MAPKAP1: variants seen among roughly 807,000 people sequenced by gnomAD.
MAPKAP1 encodes target of rapamycin complex 2 subunit MAPKAP1.
Under a neutral mutation model 65.7 loss-of-function variants are expected in MAPKAP1, and 20 were observed. The observed-to-expected ratio is 0.30, with a 90% CI of 0.21 to 0.44. The LOEUF is 0.44. MAPKAP1 is among the 20% of genes least tolerant of loss of function. MAPKAP1 has a pLI of 1.00. For missense variants in MAPKAP1, 423 were observed against 648.0 expected (o/e 0.65, Z 3.77); for synonymous variants, 222 against 244.3 (o/e 0.91, Z 0.85).
chr9:125,447,959 G>A lies in MAPKAP1; in HGVS notation c.1346-3361C>T, dbSNP rs1852782795. On this transcript the variant is annotated intron_variant, in intron 10 of 11. Transcript: ENST00000265960. The surrounding 1 kb of genome is among the most constrained non-coding windows in gnomAD (Gnocchi z 4.5). Reference sequence around the variant, plus strand: ...GGAGCTCTGGGCAAACCAGGGTCATGTGTGGCAGGCAGGTGGGAGGGAGAG... The same window carrying A: ...GGAGCTCTGGGCAAACCAGGGTCATATGTGGCAGGCAGGTGGGAGGGAGAG... Among the ~76,000 whole-genome samples, 1 of 152,228 alleles carries A rather than the reference G, an allele frequency of 6.6e-6. No individual in the cohort carries two copies. The highest frequency in any genetic ancestry group is 1.5e-5 in the Non-Finnish European group (1 of 68,048).
At chr9:125,473,471 T>C (rs903986748) in intron 9 of MAPKAP1, among the ~76,000 whole-genome samples, 10 of 152,170 alleles carry the variant, frequency 6.6e-5, no homozygotes, top group African/African-American at 1.7e-4. Flanking sequence ...GCAGAAAACA[T>C]TGCCTGATTG....
intron 1 of MAPKAP1, among the ~76,000 whole-genome samples, chr9:125,682,068 T>C (rs1051980979): frequency 1.4e-5 from 2 of 145,426 alleles, no homozygotes; most frequent in Non-Finnish European, 3.1e-5. Context: ...CTCCCCTATG[T>C]TTGTTTTAAC....
At chr9:125,590,973 C>T (rs1205139060) in intron 4 of MAPKAP1, among the ~76,000 whole-genome samples, 1 of 152,104 alleles carries the variant, frequency 6.6e-6, no homozygotes, top group East Asian at 1.9e-4. Context: ...AAGATTTTGC[C>T]ATGTTGGCCA....
chr9:125,509,836 A>T (rs1829249109), intron 7 of MAPKAP1, among the ~76,000 whole-genome samples: 1 of 152,150 alleles, frequency 6.6e-6, no homozygotes, highest in Admixed American at 6.5e-5. Flanking sequence ...TGGATCAGGG[A>T]AAACAGGGGA....
At chr9:125,487,615 T>TAAA (rs35665829) in intron 8 of MAPKAP1, among the ~76,000 whole-genome samples, 62 of 126,812 alleles carry the variant, frequency 4.9e-4, no homozygotes, top group Non-Finnish European at 6.7e-4. Flanking sequence ...TGCCAATTAC[T>TAAA]AAAAAAAAAA....
intron 5 of MAPKAP1, among the ~76,000 whole-genome samples, chr9:125,576,898 G>A (rs1320433199): frequency 4.9e-4 from 74 of 152,222 alleles, no homozygotes; most frequent in Admixed American, 1.2e-3. Context: ...GCCTGCCTTG[G>A]CCTCCCAAAG....
At chr9:125,464,130 G>C (rs534651059) in intron 10 of MAPKAP1, among the ~76,000 whole-genome samples, 88 of 148,682 alleles carry the variant, frequency 5.9e-4, no homozygotes, top group African/African-American at 2.1e-3. Flanking sequence ...TTGGTGGGTT[G>C]AGGTGGGAGG....
chr9:125,590,300 A>C (rs1831917081), intron 4 of MAPKAP1, among the ~76,000 whole-genome samples: 1 of 152,310 alleles, frequency 6.6e-6, no homozygotes, highest in East Asian at 1.9e-4. Context: ...ACAAGGTCAC[A>C]TGAGGCCAAG....
chr9:125,461,605 G>A (rs1853497684), intron 10 of MAPKAP1, among the ~76,000 whole-genome samples: 1 of 152,176 alleles, frequency 6.6e-6, no homozygotes, highest in Admixed American at 6.5e-5. Context: ...CTGTTAAAAG[G>A]ATGAGGCACT....
intron 8 of MAPKAP1, among the ~76,000 whole-genome samples, chr9:125,486,059 C>T (rs552545831): frequency 3.3e-5 from 5 of 152,230 alleles, no homozygotes; most frequent in Admixed American, 3.3e-4. Flanking sequence ...CTTCTGCAAG[C>T]AGTAAAGGCA....
chr9:125,513,289 T>A (rs1829362143), intron 7 of MAPKAP1: 1 of 152,182 alleles, frequency 6.6e-6, no homozygotes, highest in African/African-American at 2.4e-5. Flanking sequence ...TAACCTATCA[T>A]CATCATTGCT....
At chr9:125,635,555 C>T (rs756322098) in intron 4 of MAPKAP1, among the ~76,000 whole-genome samples, 10 of 152,190 alleles carry the variant, frequency 6.6e-5, no homozygotes, top group South Asian at 2.1e-4. Context: ...GCAGCCCTGT[C>T]TGAGAAAGAG....
intron 7 of MAPKAP1, among the ~76,000 whole-genome samples, chr9:125,541,521 G>C (rs144302008): frequency 1.3e-5 from 2 of 152,174 alleles, no homozygotes; most frequent in African/African-American, 4.8e-5. Flanking sequence ...GATCCGAAAG[G>C]GTGAATGCCT....
intron 2 of MAPKAP1, among the ~76,000 whole-genome samples, 188 bp from the exon 3 acceptor site, chr9:125,670,095 T>C (rs1001612844): frequency 2.0e-5 from 3 of 152,168 alleles, no homozygotes; most frequent in Non-Finnish European, 2.9e-5. Context: ...TCTTGATTTA[T>C]AATTGAAATT....
chr9:125,689,436 GAAAAAAAAAAA>G (rs911746619), intron 1 of MAPKAP1, among the ~76,000 whole-genome samples: 12 of 15,264 alleles, frequency 7.9e-4, no homozygotes, highest in African/African-American at 1.9e-3. Flanking sequence ...CTCCATCTCG[GAAAAAAAAAAA>G]AAAAAAAAAA....
At chr9:125,565,429 A>G (rs1167641432) in intron 5 of MAPKAP1, 1 of 174,588 alleles carries the variant, frequency 5.7e-6, no homozygotes. Flanking sequence ...TATGATGACC[A>G]GATAGATGAA....
chr9:125,553,723 A>G (rs1207478201), intron 6 of MAPKAP1, among the ~76,000 whole-genome samples: 1 of 152,146 alleles, frequency 6.6e-6, no homozygotes, highest in African/African-American at 2.4e-5. Flanking sequence ...CTAAATATTT[A>G]CCATCTGGCC....
At chr9:125,450,325 C>A (rs910469622) in intron 10 of MAPKAP1, among the ~76,000 whole-genome samples, 1 of 152,154 alleles carries the variant, frequency 6.6e-6, no homozygotes, top group Non-Finnish European at 1.5e-5. Context: ...CAGAGGAGAA[C>A]CTCCACACCC....
intron 5 of MAPKAP1, among the ~76,000 whole-genome samples, chr9:125,579,086 C>T (rs545292153): frequency 1.3e-5 from 2 of 152,262 alleles, no homozygotes; most frequent in East Asian, 1.9e-4. Flanking sequence ...GAAATTATTT[C>T]AGTTAGTTTC....
Sources: gnomAD v4.1 joint callset for allele counts (sites outside exome capture counted in the v4.1 genomes callset) on GRCh38, gnomAD v4.1.1 for gene constraint, Gnocchi (gnomAD v3.1) non-coding constraint, MANE v1.5 for transcripts, NCBI Gene and HGNC (gene_info 2026-07-23, HGNC 2026-07-21) for gene names.